Variants in TRIO observed in about 807,000 individuals in gnomAD.
TRIO encodes the protein trio Rho guanine nucleotide exchange factor, also known as triple functional domain protein.
TRIO carries 58 observed loss-of-function variants against 351.9 expected under a neutral mutation model. The observed-to-expected ratio is 0.16, with a 90% CI of 0.13 to 0.21. TRIO has a LOEUF of 0.21. TRIO is among the 10% of genes least tolerant of loss of function. TRIO has a pLI of 1.00. For missense variants in TRIO, 3,201 were observed against 4,027.8 expected (o/e 0.79, Z 5.56); for synonymous variants, 1,758 against 1,595.7 (o/e 1.10, Z -2.42).
chr5:14,285,685 GA>G (rs964691079), intron 3 of TRIO, among the ~76,000 whole-genome samples: 20 of 151,984 alleles, frequency 1.3e-4, no homozygotes, highest in African/African-American at 4.8e-4. Flanking sequence ...TTTTTGGGGG[GA>G]TAATTATCCA....
At chr5:14,488,406 T>G in intron 48 of TRIO, 146 bp downstream of exon 48, 1 of 1,265,440 alleles carries the variant, frequency 7.9e-7, no homozygotes, top group Non-Finnish European at 1.1e-6. Context: ...AGGCTAACCC[T>G]CCTGCGGGCC....
intron 5 of TRIO, among the ~76,000 whole-genome samples, chr5:14,291,439 T>G (rs1388395731): frequency 6.6e-6 from 1 of 151,744 alleles, no homozygotes; most frequent in Non-Finnish European, 1.5e-5. Context: ...AAATTTTGAG[T>G]TCAAATTACT....
rs199843575 is a variant in TRIO at position 14,358,265 on chromosome 5, C to T, written c.2134C>T (p.Arg712Cys). 33 of 1,614,074 alleles carry T rather than the reference C, an allele frequency of 2.0e-5. No homozygotes were observed. The highest frequency in any genetic ancestry group is 5.3e-5 in the African/African-American group (4 of 74,924). ...SVEAVQDLIK[R>C]FGQQQQTTLQ... ...GGAGGCCGTGCAGGACCTCATCAAG[C>T]GCTTTGGCCAGCAGCAGCAGACCAC... The change falls in exon 12 of 57, where the codon CGC (arginine) becomes TGC (cysteine). Residue 712 changes from arginine to cysteine, a missense_variant. By Grantham distance (180) the Arg-to-Cys change is radical (BLOSUM62 -3). Coordinates refer to ENST00000344204, the MANE Select transcript of TRIO (RefSeq NM_007118.4).
intron 46 of TRIO, among the ~76,000 whole-genome samples, chr5:14,483,388 C>T (rs111447344): frequency 1.1e-3 from 171 of 152,312 alleles, no homozygotes; most frequent in African/African-American, 4.0e-3. Flanking sequence ...TACATGCCCC[C>T]GCCAGGGTCC....
intron 20 of TRIO, among the ~76,000 whole-genome samples, chr5:14,378,652 C>T (rs930011288): frequency 3.9e-5 from 6 of 151,938 alleles, no homozygotes; most frequent in Non-Finnish European, 8.8e-5. Context: ...CTCTGTCTCC[C>T]AGGTTCAAGT....
At chr5:14,272,337 G>T (rs115431305) in intron 2 of TRIO, among the ~76,000 whole-genome samples, 263 of 152,270 alleles carry the variant, frequency 1.7e-3, no homozygotes, top group African/African-American at 6.0e-3. Context: ...GTTTCTGAAC[G>T]TTTTGTTCCA....
chr5:14,267,266 AC>A (rs1486241053), intron 1 of TRIO, among the ~76,000 whole-genome samples: 1 of 150,602 alleles, frequency 6.6e-6, no homozygotes, highest in Non-Finnish European at 1.5e-5. Flanking sequence ...GCATTGACAA[AC>A]CCCCCTGGTG....
intron 1 of TRIO, among the ~76,000 whole-genome samples, chr5:14,227,876 CTCTTA>C (rs1793147569): frequency 6.6e-6 from 1 of 152,148 alleles, no homozygotes; most frequent in East Asian, 1.9e-4. Flanking sequence ...ATGAAAAAGT[CTCTTA>C]TGAGTAAAAT....
At chr5:14,220,688 C>A (rs753441930) in intron 1 of TRIO, among the ~76,000 whole-genome samples, 1 of 152,202 alleles carries the variant, frequency 6.6e-6, no homozygotes, top group African/African-American at 2.4e-5. Context: ...ATCTAGCCAG[C>A]CACAGCATTC....
intron 1 of TRIO, among the ~76,000 whole-genome samples, chr5:14,216,801 T>G (rs1792255717): frequency 6.6e-6 from 1 of 152,212 alleles, no homozygotes; most frequent in African/African-American, 2.4e-5. Context: ...AGTACAGTTG[T>G]TTTTACTGTT....
chr5:14,207,230 G>A (rs1485834934), intron 1 of TRIO, among the ~76,000 whole-genome samples: 1 of 150,696 alleles, frequency 6.6e-6, no homozygotes, highest in African/African-American at 2.4e-5. Context: ...AGGAGTTCAG[G>A]ACCAGCCTGG....
At chr5:14,280,501 C>T (rs1341755768) in intron 3 of TRIO, 65 bp downstream of exon 3, 30 of 1,392,360 alleles carry the variant, frequency 2.2e-5, no homozygotes, top group South Asian at 2.4e-5. Flanking sequence ...GCGCTATACT[C>T]GTTAGAAATC....
rs73057524 is a variant in TRIO, at chr5:14,200,259, C to T, written c.157+56377C>T. 5.5e-3 allele frequency among the ~76,000 whole-genome samples: 832 copies of T among 152,290 alleles called. 5 individuals are homozygous for T. Among genetic ancestry groups the T allele is most frequent in the African/African-American group, 0.019 (782 of 41,556 alleles). ...TCCTTCTCAGGGCCCTTCCCTTCCCCGTGAATCCCCAGCCTGAGGTCGTGC... is the reference window on the plus strand; with the variant it reads ...TCCTTCTCAGGGCCCTTCCCTTCCCTGTGAATCCCCAGCCTGAGGTCGTGC... On this transcript the variant is annotated intron_variant, in intron 1 of 56. Transcript: ENST00000344204.
intron 1 of TRIO, among the ~76,000 whole-genome samples, chr5:14,145,498 C>CG (rs373970899): frequency 1.3e-5 from 2 of 150,990 alleles, no homozygotes; most frequent in Non-Finnish European, 3.0e-5. Flanking sequence ...AGCTACCCCC[C>CG]CCCACCTTTT....
intron 1 of TRIO, among the ~76,000 whole-genome samples, chr5:14,207,505 A>T (rs415933): frequency 0.13 from 6,069 of 45,914 alleles, 1,599 homozygotes; most frequent in Non-Finnish European, 0.19. Context: ...GCCAGGTAGC[A>T]TAGCAAGACT....
At chr5:14,260,036 A>G (rs904273118) in intron 1 of TRIO, among the ~76,000 whole-genome samples, 5 of 152,236 alleles carry the variant, frequency 3.3e-5, no homozygotes, top group Non-Finnish European at 7.3e-5. Context: ...TATGTGAGCT[A>G]TAATATGGGT....
At chr5:14,397,008 A>G (rs1747657531) in intron 28 of TRIO, 35 bp from the exon 29 acceptor site, 4 of 1,553,534 alleles carry the variant, frequency 2.6e-6, no homozygotes, top group South Asian at 1.2e-5. Context: ...AGCATTCTGC[A>G]GTCTTTACCT....
At chr5:14,253,043 A>G (rs963327401) in intron 1 of TRIO, among the ~76,000 whole-genome samples, 1 of 152,232 alleles carries the variant, frequency 6.6e-6, no homozygotes, top group Non-Finnish European at 1.5e-5. Context: ...GTGTCAGCAC[A>G]GTTTTTAGCC....
At chr5:14,318,055 A>T (rs1739530653) in intron 9 of TRIO, among the ~76,000 whole-genome samples, 1 of 151,888 alleles carries the variant, frequency 6.6e-6, no homozygotes, top group Non-Finnish European at 1.5e-5. Flanking sequence ...TGAACCCAGG[A>T]GGCGGAGGTT....
Sources: allele counts gnomAD v4.1 joint callset (sites outside exome capture counted in the v4.1 genomes callset), GRCh38; gene constraint gnomAD v4.1.1; transcripts MANE v1.5; gene names NCBI Gene and HGNC (gene_info 2026-07-23, HGNC 2026-07-21).